Variants in PACS1 observed in about 807,000 individuals in gnomAD.
PACS1 encodes the protein PACS-1.
In PACS1, 24 loss-of-function variants were observed where a neutral mutation model predicts 115.0. That is an observed-to-expected ratio of 0.21 (90% CI 0.15 to 0.29). The LOEUF is 0.29. Among genes scored for constraint, PACS1 ranks in the 10% least tolerant of loss-of-function variants. The pLI is 1.00. For synonymous variants in PACS1, 453 were observed against 504.5 expected, an observed-to-expected ratio of 0.90 and a Z score of 1.37; for missense variants, 838 against 1,251.2, an observed-to-expected ratio of 0.67 and a Z score of 4.98.
chr11:66,220,774 G>A lies in PACS1; in HGVS notation c.1182G>A (p.Thr394=), dbSNP rs765439755. ...EMEETESILS[T]PKPKLKPFFE... The stretch of plus-strand genomic sequence containing the variant: ...AGGAGACAGAAAGCATCCTCAGCAC[G>A]CCAAAGCCCAAGCTCAAGTGAGCCC... Residue 394 remains threonine, a synonymous_variant, in exon 9 of 24, where the codon ACG becomes ACA. Coordinates refer to ENST00000320580, the MANE Select transcript of PACS1 (RefSeq NM_018026.4). 4.0e-5 allele frequency: 65 copies of A among 1,613,666 alleles called. No individual in the cohort carries two copies. Among genetic ancestry groups the A allele is most frequent in the Non-Finnish European group, 5.2e-5 (61 of 1,179,890 alleles).
chr11:66,128,748 G>T (rs972926644), intron 1 of PACS1, among the ~76,000 whole-genome samples: 1 of 152,054 alleles, frequency 6.6e-6, no homozygotes, highest in African/African-American at 2.4e-5. Flanking sequence ...GCCAGGCGTA[G>T]TGACATGCGC....
chr11:66,088,702 C>T (rs1361636070), intron 1 of PACS1, among the ~76,000 whole-genome samples: 1 of 152,172 alleles, frequency 6.6e-6, no homozygotes, highest in East Asian at 1.9e-4. Context: ...TGTGCTTCTT[C>T]ATAATTGCCT....
At chr11:66,139,177 C>T (rs983287493) in intron 1 of PACS1, among the ~76,000 whole-genome samples, 14 of 151,868 alleles carry the variant, frequency 9.2e-5, no homozygotes, top group African/African-American at 2.2e-4. Flanking sequence ...TGGCTAAGCC[C>T]GAAATATATA....
At chr11:66,117,847 A>G (rs1459021444) in intron 1 of PACS1, among the ~76,000 whole-genome samples, 3 of 152,074 alleles carry the variant, frequency 2.0e-5, no homozygotes, top group Non-Finnish European at 4.4e-5. Context: ...TGCCATCTCA[A>G]AAAAAAAGAA....
chr11:66,147,740 G>T (rs903947440), intron 1 of PACS1, among the ~76,000 whole-genome samples: 2 of 152,046 alleles, frequency 1.3e-5, no homozygotes, highest in Non-Finnish European at 2.9e-5. Flanking sequence ...AGGGAAGTGG[G>T]TTAGTTAATT....
At chr11:66,223,388 C>T (rs1188908869) in intron 10 of PACS1, among the ~76,000 whole-genome samples, 1 of 71,226 alleles carries the variant, frequency 1.4e-5, no homozygotes, top group Non-Finnish European at 2.8e-5. Flanking sequence ...GCCGCTGTGC[C>T]CGGCCTATTT....
Position 66,233,808 on chromosome 11 carries a change from C to T in PACS1, c.1862C>T (p.Pro621Leu), listed in dbSNP as rs1554993480. The T allele has an allele frequency of 1.9e-6, 3 of 1,613,844 alleles. No individual in the cohort carries two copies. The highest frequency in any genetic ancestry group is 1.7e-6 in the Non-Finnish European group (2 of 1,179,878). Reference protein sequence around the residue: ...QRYCNCNSSMPRPVKVAAVGG... With the variant: ...QRYCNCNSSMLRPVKVAAVGG... ...AGCTGCAACTGCAACTCTTCCATGCCGAGGCCAGTGAAGGTGGCTGCTGTG... is the reference window on the plus strand; with the variant it reads ...AGCTGCAACTGCAACTCTTCCATGCTGAGGCCAGTGAAGGTGGCTGCTGTG... The change falls in exon 16 of 24, where the codon CCG (proline) becomes CTG (leucine). Residue 621 changes from proline (P) to leucine (L), a missense_variant. By Grantham distance (98) the Pro-to-Leu change is moderately conservative. Coordinates refer to ENST00000320580, the MANE Select transcript of PACS1 (RefSeq NM_018026.4). The surrounding 1 kb of genome is among the most constrained non-coding windows in gnomAD (Gnocchi z 4.5).
At position 66,230,954 on chromosome 11, in the gene PACS1, C is replaced by T. The variant is rs1855580269; in HGVS notation, c.1626+14C>T. ...CACAGCACGCAGGTACTTCTGGGTG[C>T]CCCCAAAACACCAGGACCCTCTGAG... is the stretch of plus-strand genomic sequence containing the variant. On this transcript the variant is annotated intron_variant, in intron 13 of 23. Transcript: ENST00000320580. 3 of 1,613,574 alleles carry T rather than the reference C, an allele frequency of 1.9e-6. No individual in the cohort carries two copies. The highest frequency in any genetic ancestry group is 2.5e-6 in the Non-Finnish European group (3 of 1,179,980).
intron 1 of PACS1, among the ~76,000 whole-genome samples, chr11:66,165,849 C>T (rs983490370): frequency 1.3e-5 from 2 of 152,110 alleles, no homozygotes; most frequent in African/African-American, 2.4e-5. Context: ...ATCAGCAAGA[C>T]CCGTCAGTTC....
At chr11:66,162,403 T>C (rs1258982266) in intron 1 of PACS1, among the ~76,000 whole-genome samples, 1 of 152,202 alleles carries the variant, frequency 6.6e-6, no homozygotes, top group Non-Finnish European at 1.5e-5. Context: ...ATTACAGGCC[T>C]GAGCCACCGC....
intron 1 of PACS1, among the ~76,000 whole-genome samples, chr11:66,146,046 A>G (rs536810062): frequency 6.6e-6 from 1 of 152,282 alleles, no homozygotes; most frequent in African/African-American, 2.4e-5. Context: ...TATCTAAAAC[A>G]TCTAGTTTTT....
intron 1 of PACS1, among the ~76,000 whole-genome samples, chr11:66,105,566 C>G (rs1402187279): frequency 6.6e-6 from 1 of 152,166 alleles, no homozygotes; most frequent in Admixed American, 6.5e-5. Flanking sequence ...AAAATGAAAT[C>G]ATTTTAAGAC....
At chr11:66,132,387 C>A (rs1468923985) in intron 1 of PACS1, among the ~76,000 whole-genome samples, 1 of 152,052 alleles carries the variant, frequency 6.6e-6, no homozygotes, top group Non-Finnish European at 1.5e-5. Flanking sequence ...TATAAATTAC[C>A]CAGTCTCATG....
chr11:66,196,717 C>T (rs1854659478), intron 2 of PACS1, among the ~76,000 whole-genome samples: 1 of 152,116 alleles, frequency 6.6e-6, no homozygotes, highest in African/African-American at 2.4e-5. Context: ...CCTGCGTCAG[C>T]CTCCTGAGTA....
chr11:66,159,348 A>T (rs537603989), intron 1 of PACS1, among the ~76,000 whole-genome samples: 87 of 152,324 alleles, frequency 5.7e-4, no homozygotes, highest in African/African-American at 2.0e-3. Flanking sequence ...GAGGCAGGAG[A>T]ATCACTTGAA....
At chr11:66,106,721 A>G (rs1022441054) in intron 1 of PACS1, among the ~76,000 whole-genome samples, 2 of 152,070 alleles carry the variant, frequency 1.3e-5, no homozygotes, top group African/African-American at 4.8e-5. Context: ...ACACCACTGC[A>G]CTGCATGCAA....
chr11:66,098,014 T>C (rs1857825627), intron 1 of PACS1, among the ~76,000 whole-genome samples: 1 of 151,964 alleles, frequency 6.6e-6, no homozygotes, highest in African/African-American at 2.4e-5. Context: ...TCGTCTCTAC[T>C]AAGATACAAA....
At chr11:66,108,423 T>C (rs1590749569) in intron 1 of PACS1, among the ~76,000 whole-genome samples, 2 of 152,132 alleles carry the variant, frequency 1.3e-5, no homozygotes, top group East Asian at 3.9e-4. Flanking sequence ...GGATTAGGGC[T>C]CCAGTATAGG....
At chr11:66,079,330 A>C (rs906702541) in intron 1 of PACS1, among the ~76,000 whole-genome samples, 1 of 59,044 alleles carries the variant, frequency 1.7e-5, no homozygotes, top group Non-Finnish European at 3.5e-5. Context: ...TTAATAGTTT[A>C]TTGCTGGGAA....
Sources: gnomAD v4.1 joint callset for allele counts (sites outside exome capture counted in the v4.1 genomes callset) on GRCh38, gnomAD v4.1.1 for gene constraint, Gnocchi (gnomAD v3.1) non-coding constraint, MANE v1.5 for transcripts, NCBI Gene and HGNC (gene_info 2026-07-23, HGNC 2026-07-21) for gene names.